LAMB4: variants seen among roughly 807,000 people sequenced by gnomAD.
LAMB4 encodes laminin subunit beta-4.
LAMB4 carries 196 observed loss-of-function variants against 199.2 expected under a neutral mutation model. The observed-to-expected ratio is 0.98, with a 90% CI of 0.88 to 1.11. The LOEUF (loss-of-function observed/expected upper bound fraction) is 1.11, where lower values mean the gene tolerates loss of function less well. Among genes scored for constraint, LAMB4 ranks in the 50% least tolerant of loss-of-function variants. The pLI is 0.00. For missense variants in LAMB4, 2,080 were observed against 2,171.2 expected, an observed-to-expected ratio of 0.96 and a Z score of 0.83; for synonymous variants, 744 against 770.6, an observed-to-expected ratio of 0.97 and a Z score of 0.57.
intron 29 of LAMB4, among the ~76,000 whole-genome samples, 196 bp downstream of exon 29, chr7:108,043,556 T>G (rs1317926837): frequency 0.093 from 1,524 of 16,378 alleles, 92 homozygotes; most frequent in Non-Finnish European, 0.12. Context: ...TTTTTTTTTT[T>G]TTTTTTTTTT....
At chr7:108,026,819 C>A in intron 33 of LAMB4, 1 of 495,670 alleles carries the variant, frequency 2.0e-6, no homozygotes. Flanking sequence ...GAGGAACAGG[C>A]ACAGCCTTGT....
chr7:108,084,636 A>C (rs1375893416), intron 14 of LAMB4, among the ~76,000 whole-genome samples: 1 of 152,152 alleles, frequency 6.6e-6, no homozygotes, highest in East Asian at 1.9e-4. Flanking sequence ...AGTGAGACTC[A>C]AAGTGAGTGC....
In LAMB4 at chr7:108,078,320, G is replaced by A. The variant is rs1348678120; in HGVS notation, c.1888-4C>T. On this transcript the variant is annotated splice_region_variant and splice_polypyrimidine_tract_variant and intron_variant, in intron 15 of 33. Coordinates refer to ENST00000388781, the MANE Select transcript of LAMB4 (RefSeq NM_007356.3). ...GGACAGTCCAGTCAGCTGCAGACTA[G>A]ACAGGCATGACATTAAGGCATGTCA... 6.5e-7 allele frequency: 1 copy of A among 1,546,038 alleles called. No homozygotes were observed. The highest frequency in any genetic ancestry group is 1.4e-5 in the African/African-American group (1 of 73,778).
intron 2 of LAMB4, 109 bp from the exon 3 acceptor site, chr7:108,116,270 A>C: frequency 9.3e-7 from 1 of 1,072,876 alleles, no homozygotes. Flanking sequence ...AATATTGGCC[A>C]AAGATGTATC....
intron 14 of LAMB4, among the ~76,000 whole-genome samples, chr7:108,084,741 CAGAA>C (rs1300582810): frequency 6.7e-6 from 1 of 148,576 alleles, no homozygotes; most frequent in Non-Finnish European, 1.5e-5. Flanking sequence ...GTTTTGAATG[CAGAA>C]AGAAAGGCAT....
chr7:108,066,720 C>A, intron 19 of LAMB4, 120 bp from the exon 20 acceptor site: 1 of 650,442 alleles, frequency 1.5e-6, no homozygotes, highest in South Asian at 1.8e-5. Flanking sequence ...AAGCCTGTAA[C>A]GTGCTTAGGA....
At position 108,117,951 on chromosome 7, in the gene LAMB4, G is replaced by T. The variant is rs117555484; in HGVS notation, c.35-1790C>A. Among the ~76,000 whole-genome samples, 1,097 of 152,188 alleles carry T rather than the reference G, an allele frequency of 7.2e-3. 6 individuals carry two copies. Among genetic ancestry groups the T allele is most frequent in the Middle Eastern group, 0.024 (7 of 294 alleles). On this transcript the variant is annotated intron_variant, in intron 2 of 33. Transcript: ENST00000388781. ...TTCTTTACTGCAACCTGTTTTACCA[G>T]CAAGGTCTCTATGACCTGTATCTTG...
At chr7:108,022,583 A>G (rs2034715008), downstream of LAMB4, among the ~76,000 whole-genome samples, 2 of 151,738 alleles carry the variant, frequency 1.3e-5, no homozygotes, top group Admixed American at 1.3e-4. Flanking sequence ...ACATATATAG[A>G]TTTTTTTTTA....
intron 4 of LAMB4, 66 bp downstream of exon 4, chr7:108,111,745 C>A: frequency 7.1e-7 from 1 of 1,407,624 alleles, no homozygotes; most frequent in Non-Finnish European, 1.0e-6. Context: ...TAAAACCATA[C>A]AAGGAAGAGG....
At chr7:108,104,031 C>A (rs1468750737) in intron 9 of LAMB4, among the ~76,000 whole-genome samples, 2 of 152,178 alleles carry the variant, frequency 1.3e-5, no homozygotes, top group Non-Finnish European at 2.9e-5. Flanking sequence ...TCTTATTAGC[C>A]TGAGTATTTT....
At chr7:108,015,703 T>TA in the LAMB4 span, among the ~76,000 whole-genome samples, 1 of 151,970 alleles carries the variant, frequency 6.6e-6, no homozygotes, top group Non-Finnish European at 1.5e-5. Context: ...TTGTTATTTC[T>TA]ATATGTAGTC....
intron 33 of LAMB4, 89 bp downstream of exon 33, chr7:108,028,954 G>T: frequency 7.8e-7 from 1 of 1,278,502 alleles, no homozygotes; most frequent in Non-Finnish European, 1.1e-6. Flanking sequence ...TGATAAAACT[G>T]TAAGCTGACA....
At chr7:108,036,491 T>A (rs1006019987) in intron 30 of LAMB4, among the ~76,000 whole-genome samples, 16 of 152,232 alleles carry the variant, frequency 1.1e-4, no homozygotes, top group African/African-American at 3.9e-4. Flanking sequence ...CCCGGCCTAC[T>A]TAATCTTTTA....
intron 25 of LAMB4, among the ~76,000 whole-genome samples, chr7:108,052,507 G>C (rs2035857825): frequency 6.6e-6 from 1 of 152,076 alleles, no homozygotes; most frequent in Non-Finnish European, 1.5e-5. Context: ...TAGAATAAAG[G>C]CTCTCAAATC....
chr7:108,114,732 G>A lies in LAMB4; in HGVS notation c.192+1272C>T, dbSNP rs183587178. Among the ~76,000 whole-genome samples the A allele has an allele frequency of 1.4e-3, 206 of 152,296 alleles. 1 individual carries two copies. The highest frequency in any genetic ancestry group is 2.9e-3 in the Admixed American group (45 of 15,294). On this transcript the variant is annotated intron_variant, in intron 3 of 33. Transcript: ENST00000388781. ...GGAAAAGCCTGGACCACTAACATTA[G>A]GCTTATGTCCAACTTCCTTCCTGCA...
At chr7:108,091,967 T>A (rs1323662150) in intron 13 of LAMB4, among the ~76,000 whole-genome samples, 191 bp from the exon 14 acceptor site, 2 of 152,122 alleles carry the variant, frequency 1.3e-5, no homozygotes, top group Non-Finnish European at 2.9e-5. Flanking sequence ...TCCAGGGCCA[T>A]GGAGCCCAGG....
At chr7:108,115,879 C>A (rs1349902682) in intron 3 of LAMB4, 125 bp downstream of exon 3, 2 of 1,018,010 alleles carry the variant, frequency 2.0e-6, no homozygotes, top group African/African-American at 1.6e-5. Context: ...ACAACTGCAC[C>A]AGTGTCTCCA....
At chr7:108,063,079 G>C in intron 22 of LAMB4, 85 bp from the exon 23 acceptor site, 1 of 756,304 alleles carries the variant, frequency 1.3e-6, no homozygotes, top group Non-Finnish European at 2.0e-6. Context: ...TTTAGACCTG[G>C]ATGTATCATT....
intron 31 of LAMB4, among the ~76,000 whole-genome samples, chr7:108,033,243 A>G (rs2035103445): frequency 6.6e-6 from 1 of 152,216 alleles, no homozygotes; most frequent in South Asian, 2.1e-4. Context: ...GTAGTGCAAA[A>G]GCATCCATAG....
Sources: allele counts gnomAD v4.1 joint callset (sites outside exome capture counted in the v4.1 genomes callset), GRCh38; gene constraint gnomAD v4.1.1; transcripts MANE v1.5; gene names NCBI Gene and HGNC (gene_info 2026-07-23, HGNC 2026-07-21).